LRRC36: variants seen among roughly 807,000 people sequenced by gnomAD.
The protein encoded by LRRC36 is leucine rich repeat containing 36, also known as leucine-rich repeat-containing protein 36.
LRRC36 carries 62 observed loss-of-function variants against 81.1 expected under a neutral mutation model. The ratio of observed to expected loss-of-function variants is 0.76; its 90% CI spans 0.62 to 0.94. The LOEUF (loss-of-function observed/expected upper bound fraction) is 0.94. Among genes scored for constraint, LRRC36 ranks in the 40% least tolerant of loss-of-function variants. LRRC36 has a pLI of 0.00. For synonymous variants in LRRC36, 334 were observed against 348.6 expected, an observed-to-expected ratio of 0.96 and a Z score of 0.47; for missense variants, 761 against 881.7, an observed-to-expected ratio of 0.86 and a Z score of 1.73.
intron 11 of LRRC36, among the ~76,000 whole-genome samples, chr16:67,378,198 C>T (rs1416569262): frequency 2.1e-5 from 3 of 141,946 alleles, no homozygotes; most frequent in Non-Finnish European, 4.5e-5. Context: ...AGGAAAAGAT[C>T]TTTCAGTTCT....
chr16:67,359,925 C>A (rs544350381), intron 5 of LRRC36, among the ~76,000 whole-genome samples: 1 of 152,212 alleles, frequency 6.6e-6, no homozygotes, highest in East Asian at 1.9e-4. Context: ...GAGTTCGAGA[C>A]CAGCCTGACA....
chr16:67,371,297 A>G (rs771446394), intron 9 of LRRC36, 55 bp downstream of exon 9: 13 of 1,599,472 alleles, frequency 8.1e-6, no homozygotes, highest in Non-Finnish European at 1.1e-5. Flanking sequence ...TCGAGACCAG[A>G]ATGAGGGTTC....
Position 67,363,710 on chromosome 16 carries a change from C to T in LRRC36, c.698C>T (p.Thr233Ile), listed in dbSNP as rs760929616. ...AAATTAGACACCTTCCCACTGGGGA[C>T]ACAGGTAATGTATTCACTCTCCTGC... ...DQKLDTFPLG[T>I]QTQEVARREM... The change falls in exon 6 of 14, where the codon ACA becomes ATA. Residue 233 changes from threonine to isoleucine, a missense_variant. Thr to Ile is a moderately conservative substitution (Grantham distance 89, BLOSUM62 -1). Transcript: ENST00000329956. The T allele has an allele frequency of 5.6e-6, 9 of 1,613,724 alleles. No homozygotes were observed. Among genetic ancestry groups the T allele is most frequent in the African/African-American group, 1.3e-5 (1 of 74,996 alleles).
chr16:67,372,214 G>A (rs879400375), intron 9 of LRRC36: 14 of 151,750 alleles, frequency 9.2e-5, no homozygotes, highest in Admixed American at 5.3e-4. Context: ...AAAATTAGCC[G>A]GGCTTGGTGG....
At position 67,367,375 on chromosome 16, in the gene LRRC36, C is replaced by A. The variant is rs571926335; in HGVS notation, c.1113C>A (p.Thr371=). ...AGCCTTCAAATGACATAAAGACCAC[C>A]GCTTCACATTCCTGTGGAGACTTAT... ...SIKPSNDIKT[T]ASHSCGDLLT... The change falls in exon 8 of 14, where the codon ACC becomes ACA. Residue 371 remains threonine, a synonymous_variant. Transcript: ENST00000329956. 12 of 1,613,968 alleles carry A rather than the reference C, an allele frequency of 7.4e-6. No homozygotes were observed. In the African/African-American group the frequency reaches 1.3e-4, roughly 18 times the overall value.
chr16:67,367,640 T>C (rs1329147428), intron 8 of LRRC36, among the ~76,000 whole-genome samples, 183 bp downstream of exon 8: 6 of 152,210 alleles, frequency 3.9e-5, no homozygotes, highest in South Asian at 4.1e-4. Context: ...ATGATATATA[T>C]ATTAGGGAAA....
intron 1 of LRRC36, among the ~76,000 whole-genome samples, chr16:67,330,140 A>C (rs2037415195): frequency 6.6e-6 from 1 of 151,872 alleles, no homozygotes; most frequent in Admixed American, 6.6e-5. Context: ...CTTCCTATGA[A>C]TTGGTAGTTA....
intron 10 of LRRC36, among the ~76,000 whole-genome samples, chr16:67,376,126 G>A (rs962739012): frequency 1.3e-5 from 2 of 152,110 alleles, no homozygotes; most frequent in African/African-American, 4.8e-5. Context: ...TGGCCAACAT[G>A]GTGAAACCCT....
chr16:67,381,809 G>T (rs2040121610), intron 12 of LRRC36, among the ~76,000 whole-genome samples: 1 of 152,162 alleles, frequency 6.6e-6, no homozygotes, highest in Non-Finnish European at 1.5e-5. Flanking sequence ...AGGAGAGACG[G>T]GGTTTCACCA....
chr16:67,335,713 C>T (rs1432807523), intron 1 of LRRC36, among the ~76,000 whole-genome samples: 3 of 152,098 alleles, frequency 2.0e-5, no homozygotes, highest in Non-Finnish European at 2.9e-5. Context: ...CCCTGACTTC[C>T]CGCAACAGAC....
chr16:67,370,912 C>T, intron 8 of LRRC36, 32 bp from the exon 9 acceptor site: 1 of 1,585,230 alleles, frequency 6.3e-7, no homozygotes, highest in Non-Finnish European at 8.6e-7. Context: ...AGTCAGAGGG[C>T]AGGTTCATCT....
Position 67,376,727 on chromosome 16 carries a change from G to A in LRRC36, c.1661G>A (p.Gly554Asp). Residue 554 changes from glycine to aspartate, a missense_variant and splice_region_variant, in exon 11 of 14, where the codon GGT (glycine) becomes GAT (aspartate). Around this residue, in one of 3 missense-constraint regions of LRRC36, gnomAD observed 359 missense variants for 388.4 expected, o/e 0.92. Transcript: ENST00000329956. ...TGTGCCCATCCTGAATTTTTGGCAG[G>A]TCCTGCCCGAGATTTGCTTCTGTCT... is the stretch of plus-strand genomic sequence containing the variant. ...GSLLLNKKFLGPARDLLLSLV... is the reference protein window; with the variant it reads ...GSLLLNKKFLDPARDLLLSLV... 6.2e-7 allele frequency: 1 copy of A among 1,610,538 alleles called. No homozygotes were observed. Among genetic ancestry groups the A allele is most frequent in the Admixed American group, 1.7e-5 (1 of 59,930 alleles).
At chr16:67,366,992 G>T (rs781284240) in intron 7 of LRRC36, 25 bp from the exon 8 acceptor site, 4 of 1,554,758 alleles carry the variant, frequency 2.6e-6, no homozygotes, top group Non-Finnish European at 3.5e-6. Flanking sequence ...ATCATGTTTT[G>T]TTTTTTTGCC....
chr16:67,359,504 T>C (rs1435445051), intron 5 of LRRC36, among the ~76,000 whole-genome samples: 1 of 152,154 alleles, frequency 6.6e-6, no homozygotes, highest in Non-Finnish European at 1.5e-5. Flanking sequence ...ATGACAGCTA[T>C]GGGGTTTCTT....
At chr16:67,376,048 G>T (rs140765943) in intron 10 of LRRC36, among the ~76,000 whole-genome samples, 1 of 152,158 alleles carries the variant, frequency 6.6e-6, no homozygotes. Flanking sequence ...GGTGACTAAC[G>T]CCTGTAATCC....
intron 2 of LRRC36, among the ~76,000 whole-genome samples, chr16:67,345,545 A>G (rs535336754): frequency 4.6e-5 from 7 of 152,268 alleles, no homozygotes; most frequent in African/African-American, 1.7e-4. Flanking sequence ...CACAAGAAAG[A>G]GAACTGAACA....
At chr16:67,351,205 C>A (rs2038615157) in intron 5 of LRRC36, among the ~76,000 whole-genome samples, 1 of 152,134 alleles carries the variant, frequency 6.6e-6, no homozygotes, top group African/African-American at 2.4e-5. Flanking sequence ...AGAAAATATT[C>A]TTCGGTCTCA....
chr16:67,330,390 C>A (rs555527224), intron 1 of LRRC36, among the ~76,000 whole-genome samples: 1 of 152,242 alleles, frequency 6.6e-6, no homozygotes, highest in South Asian at 2.1e-4. Context: ...TTCCTCACAT[C>A]AACTGTTTGC....
intron 7 of LRRC36, among the ~76,000 whole-genome samples, chr16:67,366,665 G>A (rs933896925): frequency 2.0e-5 from 3 of 151,828 alleles, no homozygotes; most frequent in Non-Finnish European, 2.9e-5. Context: ...TACGAGAATC[G>A]CTTCCCTCTG....
Sources: allele counts gnomAD v4.1 joint callset (sites outside exome capture counted in the v4.1 genomes callset), GRCh38; gene constraint gnomAD v4.1.1; regional missense constraint gnomAD v4.1.1; transcripts MANE v1.5; gene names NCBI Gene and HGNC (gene_info 2026-07-23, HGNC 2026-07-21).